Variants in TENM2 observed in about 807,000 individuals in gnomAD.
TENM2 encodes teneurin transmembrane protein 2.
TENM2 carries 52 observed loss-of-function variants against 245.2 expected under a neutral mutation model. The ratio of observed to expected loss-of-function variants is 0.21; its 90% CI spans 0.17 to 0.27. TENM2 has a LOEUF of 0.27. Among genes scored for constraint, TENM2 ranks in the 10% least tolerant of loss-of-function variants. TENM2 has a pLI of 1.00. For missense variants in TENM2, 3,046 were observed against 3,666.8 expected (o/e 0.83, Z 4.37); for synonymous variants, 1,363 against 1,438.9 (o/e 0.95, Z 1.19).
intron 3 of TENM2, among the ~76,000 whole-genome samples, chr5:167,917,224 G>C (rs917470911): frequency 2.0e-5 from 3 of 152,192 alleles, no homozygotes; most frequent in Admixed American, 6.5e-5. Context: ...CACCAAACAA[G>C]ATGCCTGTGG....
At chr5:167,689,004 T>A (rs1757253201) in intron 2 of TENM2, among the ~76,000 whole-genome samples, 1 of 152,224 alleles carries the variant, frequency 6.6e-6, no homozygotes, top group African/African-American at 2.4e-5. Flanking sequence ...TGGCTACTCA[T>A]TTTAAACCTT....
At chr5:167,900,302 C>T (rs1037740570) in intron 3 of TENM2, among the ~76,000 whole-genome samples, 7 of 151,948 alleles carry the variant, frequency 4.6e-5, no homozygotes, top group Non-Finnish European at 8.8e-5. Flanking sequence ...ATTATCAAAG[C>T]ACTTTCCATA....
the TENM2 span, among the ~76,000 whole-genome samples, chr5:167,129,450 G>A: frequency 6.6e-6 from 1 of 152,142 alleles, no homozygotes; most frequent in Admixed American, 6.5e-5. Flanking sequence ...AACAGCCTGA[G>A]AGCAAAATGG....
chr5:167,512,508 G>T (rs946977476), intron 2 of TENM2, among the ~76,000 whole-genome samples: 2 of 152,164 alleles, frequency 1.3e-5, no homozygotes, highest in Non-Finnish European at 2.9e-5. Flanking sequence ...GAGGGATGTA[G>T]TGGAATCTTT....
At chr5:167,248,274 A>G in the TENM2 span, among the ~76,000 whole-genome samples, 1 of 152,180 alleles carries the variant, frequency 6.6e-6, no homozygotes, top group South Asian at 2.1e-4. Flanking sequence ...AGATTTAAAC[A>G]TGCTCTCTAA....
the TENM2 span, among the ~76,000 whole-genome samples, chr5:167,158,812 T>G: frequency 3.3e-5 from 5 of 151,558 alleles, no homozygotes; most frequent in African/African-American, 1.2e-4. Context: ...ACATATGATT[T>G]CTAGGGAGAA....
chr5:167,348,458 G>T (rs955703421), intron 1 of TENM2, among the ~76,000 whole-genome samples: 1 of 152,162 alleles, frequency 6.6e-6, no homozygotes, highest in Non-Finnish European at 1.5e-5. Flanking sequence ...TTATCCTGGC[G>T]ACAGCTTGCT....
intron 2 of TENM2, among the ~76,000 whole-genome samples, chr5:167,634,429 A>G (rs1404635613): frequency 6.6e-6 from 1 of 151,864 alleles, no homozygotes; most frequent in Non-Finnish European, 1.5e-5. Flanking sequence ...ATTTCTTGTT[A>G]TATCAAGCAC....
intron 5 of TENM2, among the ~76,000 whole-genome samples, chr5:168,014,809 T>C (rs1655150411): frequency 6.6e-6 from 1 of 152,150 alleles, no homozygotes; most frequent in Non-Finnish European, 1.5e-5. Flanking sequence ...CAGGGTCTCA[T>C]GAGTGACAGT....
chr5:168,001,570 G>A (rs1784425752), intron 5 of TENM2, among the ~76,000 whole-genome samples: 1 of 152,188 alleles, frequency 6.6e-6, no homozygotes, highest in African/African-American at 2.4e-5. Context: ...AACCCACACA[G>A]AATCTTTTGT....
chr5:167,457,281 C>CTTT, intron 2 of TENM2, among the ~76,000 whole-genome samples: 1 of 145,230 alleles, frequency 6.9e-6, no homozygotes, highest in East Asian at 2.3e-4. Flanking sequence ...CACTGACCTG[C>CTTT]TTTTTATTTT....
chr5:168,156,428 G>T (rs1033231892), intron 12 of TENM2, among the ~76,000 whole-genome samples: 4 of 151,832 alleles, frequency 2.6e-5, no homozygotes, highest in Admixed American at 2.6e-4. Flanking sequence ...ATCTGGATAG[G>T]GTATTGCCCT....
intron 2 of TENM2, among the ~76,000 whole-genome samples, chr5:167,725,633 T>C (rs1175578358): frequency 1.3e-5 from 2 of 152,212 alleles, no homozygotes; most frequent in Non-Finnish European, 2.9e-5. Context: ...TGGATCTTTT[T>C]AAATGCAAAT....
intron 2 of TENM2, among the ~76,000 whole-genome samples, chr5:167,381,798 T>C (rs1451648234): frequency 6.6e-6 from 1 of 152,182 alleles, no homozygotes; most frequent in Non-Finnish European, 1.5e-5. Flanking sequence ...AGCAATTTTA[T>C]GGGTTCATGT....
intron 3 of TENM2, among the ~76,000 whole-genome samples, chr5:167,901,154 C>T (rs1775673092): frequency 6.6e-6 from 1 of 151,942 alleles, no homozygotes; most frequent in South Asian, 2.1e-4. Context: ...TCACTGTTAC[C>T]CTTTTGATAT....
rs544362938 is a variant in TENM2 at position 168,000,668 on chromosome 5, G to T, written c.1186+7486G>T. Among the ~76,000 whole-genome samples, 32 of 152,298 alleles carry T rather than the reference G, an allele frequency of 2.1e-4. No homozygotes were observed. The East Asian group carries it at 5.4e-3, about 26-fold the overall frequency. On this transcript the variant is annotated intron_variant, in intron 5 of 28. Transcript: ENST00000518659. ...GAGGTTGTCAATTAAACTATGCCAT[G>T]ATTTCTTAGCATTTGTAATTTTTAT... is the stretch of plus-strand genomic sequence containing the variant.
At chr5:168,137,671 T>C (rs1463979850) in intron 12 of TENM2, among the ~76,000 whole-genome samples, 1 of 152,246 alleles carries the variant, frequency 6.6e-6, no homozygotes, top group South Asian at 2.1e-4. Context: ...CACTGATGAT[T>C]GCAATCCCTG....
the TENM2 span, among the ~76,000 whole-genome samples, chr5:167,247,912 G>A: frequency 6.6e-6 from 1 of 152,034 alleles, no homozygotes; most frequent in African/African-American, 2.4e-5. Flanking sequence ...CGTATCACAG[G>A]AACTTCCAGA....
the TENM2 span, among the ~76,000 whole-genome samples, chr5:167,279,570 T>TTCC: frequency 6.7e-5 from 7 of 104,998 alleles, no homozygotes; most frequent in South Asian, 3.4e-4. Flanking sequence ...TCCTTCCTTC[T>TTCC]TTCTTCTGTT....
Sources: gnomAD v4.1 joint callset for allele counts (sites outside exome capture counted in the v4.1 genomes callset) on GRCh38, gnomAD v4.1.1 for gene constraint, MANE v1.5 for transcripts, NCBI Gene and HGNC (gene_info 2026-07-23, HGNC 2026-07-21) for gene names.